FER: variants seen among roughly 807,000 people sequenced by gnomAD.
The protein encoded by FER is tyrosine-protein kinase Fer.
In FER, 63 loss-of-function variants were observed where a neutral mutation model predicts 111.0. The ratio of observed to expected loss-of-function variants is 0.57; its 90% CI spans 0.46 to 0.70. The LOEUF (loss-of-function observed/expected upper bound fraction) is 0.70. Ranked by LOEUF, FER falls within the 30% of genes least tolerant of loss-of-function variation. FER has a pLI of 0.00. For missense variants in FER, 914 were observed against 954.0 expected (o/e 0.96, Z 0.55); for synonymous variants, 327 against 313.9 (o/e 1.04, Z -0.44).
chr5:109,141,906 T>C (rs536029124), intron 17 of FER, among the ~76,000 whole-genome samples: 37 of 152,038 alleles, frequency 2.4e-4, no homozygotes, highest in Non-Finnish European at 3.7e-4. Context: ...GCCTGGTTTA[T>C]TGTGGTTTTC....
intron 2 of FER, among the ~76,000 whole-genome samples, chr5:108,770,407 G>A (rs1752774598): frequency 6.6e-6 from 1 of 152,082 alleles, no homozygotes; most frequent in Non-Finnish European, 1.5e-5. Flanking sequence ...TGGCCAGTCC[G>A]AAATCTTCCC....
intron 8 of FER, among the ~76,000 whole-genome samples, chr5:108,875,932 C>T (rs900661021): frequency 1.4e-4 from 21 of 152,092 alleles, no homozygotes; most frequent in African/African-American, 4.6e-4. Flanking sequence ...ACCATGATTA[C>T]GTAAAATGTG....
intron 8 of FER, among the ~76,000 whole-genome samples, chr5:108,873,090 A>G (rs552107810): frequency 6.6e-6 from 1 of 152,224 alleles, no homozygotes; most frequent in Middle Eastern, 3.4e-3. Flanking sequence ...AAGGTAGGAA[A>G]TGCAGACTGG....
chr5:108,760,734 G>T (rs10065605), intron 1 of FER, among the ~76,000 whole-genome samples: 11,460 of 152,208 alleles, frequency 0.075, 460 homozygotes, highest in African/African-American at 0.11. Flanking sequence ...TTAGGCCTTG[G>T]CTTGAGGAAA....
intron 6 of FER, among the ~76,000 whole-genome samples, chr5:108,870,147 T>C (rs916735825): frequency 2.0e-5 from 3 of 152,136 alleles, no homozygotes; most frequent in African/African-American, 7.2e-5. Flanking sequence ...TTTCTCATGG[T>C]ATGTTATCTG....
rs1160077442 is a variant in FER at position 109,191,324 on chromosome 5, T to TAAA, written c.*3751_*3752insAAA. 1 of 152,188 alleles carries TAAA rather than the reference T, an allele frequency of 6.6e-6. No homozygotes were observed. The highest frequency in any genetic ancestry group is 1.5e-5 in the Non-Finnish European group (1 of 68,022). 9.4% of individuals were successfully genotyped at this position (152,188 alleles called of 1,614,324 possible). On this transcript the variant is annotated 3_prime_UTR_variant, in exon 20 of 20. Transcript: ENST00000281092. Reference sequence around the variant, plus strand: ...TACTTAGTATACTGTGTACACTGTTTAATGGCCATGCATCTTTTGAAGTTT... The same window carrying TAAA: ...TACTTAGTATACTGTGTACACTGTTTAAAAATGGCCATGCATCTTTTGAAGTTT...
chr5:108,753,170 T>C (rs1750689148), intron 1 of FER, among the ~76,000 whole-genome samples: 1 of 152,138 alleles, frequency 6.6e-6, no homozygotes, highest in Admixed American at 6.5e-5. Flanking sequence ...CTGTATTCAG[T>C]TCTTTATGTG....
At chr5:109,061,054 A>G (rs1774352548) in intron 16 of FER, among the ~76,000 whole-genome samples, 1 of 152,152 alleles carries the variant, frequency 6.6e-6, no homozygotes, top group Non-Finnish European at 1.5e-5. Context: ...TGGGAAGCAC[A>G]GTTTGTCTTC....
intron 10 of FER, among the ~76,000 whole-genome samples, chr5:108,906,090 T>C (rs1178833095): frequency 6.6e-6 from 1 of 152,168 alleles, no homozygotes; most frequent in Non-Finnish European, 1.5e-5. Flanking sequence ...ACTTTTTCTG[T>C]CCCCATTTCC....
At chr5:109,093,894 A>T (rs1406593739) in intron 16 of FER, among the ~76,000 whole-genome samples, 1 of 152,168 alleles carries the variant, frequency 6.6e-6, no homozygotes, top group African/African-American at 2.4e-5. Context: ...CCAACATATT[A>T]TACATCTGAC....
At chr5:109,033,516 A>T (rs73781926) in intron 13 of FER, among the ~76,000 whole-genome samples, 1 of 152,148 alleles carries the variant, frequency 6.6e-6, no homozygotes, top group Admixed American at 6.5e-5. Context: ...CTCAATGTCC[A>T]TGTTCCCTAA....
intron 13 of FER, among the ~76,000 whole-genome samples, chr5:109,021,347 C>T (rs1437538366): frequency 6.6e-6 from 1 of 151,930 alleles, no homozygotes; most frequent in Non-Finnish European, 1.5e-5. Context: ...TTGAAATCAA[C>T]AAACTTCTAT....
chr5:109,063,662 CA>C (rs1299681656), intron 16 of FER, among the ~76,000 whole-genome samples: 1 of 152,064 alleles, frequency 6.6e-6, no homozygotes, highest in Non-Finnish European at 1.5e-5. Flanking sequence ...ATATTTCATT[CA>C]AAAAATTTTA....
At chr5:109,110,968 A>G (rs948383527) in intron 17 of FER, among the ~76,000 whole-genome samples, 3 of 152,134 alleles carry the variant, frequency 2.0e-5, no homozygotes, top group Non-Finnish European at 4.4e-5. Context: ...GCATTGTTTT[A>G]TCACACTATG....
chr5:108,894,446 A>G, intron 9 of FER: 1 of 462,638 alleles, frequency 2.2e-6, no homozygotes, highest in Admixed American at 2.9e-5. Context: ...CTGAGCCCTG[A>G]ATGAAGCAGT....
intron 10 of FER, among the ~76,000 whole-genome samples, chr5:108,940,785 C>G (rs550699097): frequency 6.6e-6 from 1 of 151,988 alleles, no homozygotes; most frequent in Non-Finnish European, 1.5e-5. Context: ...CTCAATACAT[C>G]AGAATGGTGG....
intron 13 of FER, among the ~76,000 whole-genome samples, chr5:108,988,726 A>G (rs1370321518): frequency 6.6e-6 from 1 of 152,040 alleles, no homozygotes; most frequent in Non-Finnish European, 1.5e-5. Flanking sequence ...CTATCTTTTC[A>G]AAGAACCAGC....
At chr5:109,003,974 G>A (rs1715197867) in intron 13 of FER, among the ~76,000 whole-genome samples, 1 of 152,108 alleles carries the variant, frequency 6.6e-6, no homozygotes, top group South Asian at 2.1e-4. Context: ...TGTAAGACCG[G>A]GTCTCAAGAA....
chr5:109,124,379 T>C (rs1034240366), intron 17 of FER, among the ~76,000 whole-genome samples: 8 of 152,248 alleles, frequency 5.3e-5, no homozygotes, highest in African/African-American at 1.9e-4. Context: ...GCTTAGACTG[T>C]TGGTTCTTAA....
Sources: allele counts gnomAD v4.1 joint callset (sites outside exome capture counted in the v4.1 genomes callset), GRCh38; gene constraint gnomAD v4.1.1; transcripts MANE v1.5; gene names NCBI Gene and HGNC (gene_info 2026-07-23, HGNC 2026-07-21).